C6orf120: variants seen among roughly 807,000 people sequenced by gnomAD.
The protein encoded by C6orf120 is UPF0669 protein C6orf120.
For missense variants in C6orf120, 311 were observed against 264.2 expected (o/e 1.18, Z -1.23); for synonymous variants, 165 against 123.1 (o/e 1.34, Z -2.25).
chr6:169,702,182 C>T (rs1294312518), upstream of C6orf120: 2 of 661,652 alleles, frequency 3.0e-6, no homozygotes, highest in Non-Finnish European at 5.6e-6. Flanking sequence ...GCGCGGCCCC[C>T]TGCGGGGAGT....
At chr6:169,703,120 T>C (rs574653116) in exon 1 of C6orf120, 3 of 1,392,874 alleles carry the variant, frequency 2.2e-6, no homozygotes. Context: ...TTGTACTTGG[T>C]TGAAGTTCTA....
exon 1 of C6orf120, chr6:169,704,298 G>A (rs1275577458): frequency 5.9e-6 from 3 of 505,616 alleles, no homozygotes; most frequent in Non-Finnish European, 1.1e-5. Flanking sequence ...GCAAGTCAAG[G>A]GGGATGGGAG....
exon 1 of C6orf120, chr6:169,702,929 G>A (rs750415879): frequency 2.5e-6 from 4 of 1,612,266 alleles, no homozygotes; most frequent in Admixed American, 1.7e-5. Flanking sequence ...GCAGATGCCG[G>A]CCAGAAGCAC....
At chr6:169,703,232 C>A in exon 1 of C6orf120, 1 of 627,160 alleles carries the variant, frequency 1.6e-6, no homozygotes, top group Middle Eastern at 4.2e-4. Context: ...TTTTAAAGAT[C>A]ATAATTCCTA....
chr6:169,705,328 C>CA, downstream of C6orf120: 1 of 1,594,362 alleles, frequency 6.3e-7, no homozygotes, highest in Non-Finnish European at 8.6e-7. Flanking sequence ...TGGCCTAAAT[C>CA]AAAACCAGTA....
chr6:169,705,157 C>A, downstream of C6orf120: 2 of 1,609,988 alleles, frequency 1.2e-6, no homozygotes, highest in Non-Finnish European at 1.7e-6. Flanking sequence ...CCAAGGCCCA[C>A]ACAAAAAGTA....
chr6:169,705,893 C>G (rs1381866778), downstream of C6orf120, among the ~76,000 whole-genome samples: 1 of 152,114 alleles, frequency 6.6e-6, no homozygotes, highest in African/African-American at 2.4e-5. Flanking sequence ...AGACTGCCTA[C>G]TGAAGAAAGC....
At chr6:169,705,604 T>C, downstream of C6orf120, 1 of 1,257,396 alleles carries the variant, frequency 8.0e-7, no homozygotes. Flanking sequence ...AAAAAGACAT[T>C]TCAATACTTA....
chr6:169,702,775 A>G, exon 1 of C6orf120: 3 of 1,613,200 alleles, frequency 1.9e-6, no homozygotes, highest in Non-Finnish European at 8.5e-7. Flanking sequence ...CGCCGTGTCC[A>G]TCCCCGCGCA....
At chr6:169,702,580 C>G in exon 1 of C6orf120, 1 of 1,613,130 alleles carries the variant, frequency 6.2e-7, no homozygotes, top group South Asian at 1.1e-5. Context: ...GGAGTGGGTG[C>G]TCCTGCACGT....
At chr6:169,705,766 CT>C, downstream of C6orf120, 1 of 961,028 alleles carries the variant, frequency 1.0e-6, no homozygotes, top group Non-Finnish European at 1.7e-6. Context: ...GCCAGAAGAG[CT>C]TACTATGGGT....
exon 1 of C6orf120, chr6:169,702,712 C>T: frequency 3.1e-6 from 5 of 1,613,582 alleles, no homozygotes; most frequent in Non-Finnish European, 4.2e-6. Flanking sequence ...CGCCAGCAGC[C>T]TGCACCCCAG....
exon 1 of C6orf120, chr6:169,703,620 G>A (rs1788598344): frequency 4.4e-6 from 1 of 225,066 alleles, no homozygotes; most frequent in African/African-American, 2.3e-5. Context: ...AAATCTTAGT[G>A]GGCCATTTGT....
chr6:169,702,289 C>A, exon 1 of C6orf120: 1 of 676,796 alleles, frequency 1.5e-6, no homozygotes, highest in South Asian at 1.6e-5. Context: ...ACCCACCCCT[C>A]CTCCCCGGGG....
downstream of C6orf120, chr6:169,705,511 T>G: frequency 1.3e-6 from 1 of 772,534 alleles, no homozygotes; most frequent in East Asian, 2.5e-5. Context: ...CCTGTGTATT[T>G]AATTTGGTGA....
chr6:169,702,865 G>C, exon 1 of C6orf120: 1 of 1,611,950 alleles, frequency 6.2e-7, no homozygotes, highest in Non-Finnish European at 8.5e-7. Context: ...GGTGTACTAC[G>C]ACGGCACGGT....
chr6:169,705,937 G>T (rs1240103679), downstream of C6orf120, among the ~76,000 whole-genome samples: 2 of 152,150 alleles, frequency 1.3e-5, no homozygotes, highest in African/African-American at 4.8e-5. Context: ...TAAACAGCAT[G>T]ATCTCGTAAG....
exon 1 of C6orf120, chr6:169,702,216 A>AGCGGCCCTGCCC: frequency 1.5e-6 from 1 of 684,432 alleles, no homozygotes; most frequent in South Asian, 1.5e-5. Context: ...AGGGTGCCAC[A>AGCGGCCCTGCCC]GCGGCCCTGC....
At chr6:169,706,344 A>C (rs1788789135), downstream of C6orf120, among the ~76,000 whole-genome samples, 1 of 152,188 alleles carries the variant, frequency 6.6e-6, no homozygotes, top group African/African-American at 2.4e-5. Context: ...TAATAAAAGA[A>C]TCTATACTTA....
Sources: gnomAD v4.1 joint callset for allele counts (sites outside exome capture counted in the v4.1 genomes callset) on GRCh38, gnomAD v4.1.1 for gene constraint, MANE v1.5 for transcripts, NCBI Gene and HGNC (gene_info 2026-07-23, HGNC 2026-07-21) for gene names.